SNX29: variants seen among roughly 807,000 people sequenced by gnomAD.
SNX29 encodes sorting nexin 29.
SNX29 carries 78 observed loss-of-function variants against 102.1 expected under a neutral mutation model. The ratio of observed to expected loss-of-function variants is 0.76; its 90% CI spans 0.64 to 0.92. SNX29 has a LOEUF of 0.92. Among genes scored for constraint, SNX29 ranks in the 40% least tolerant of loss-of-function variants. SNX29 has a pLI of 0.00. For synonymous variants in SNX29, 580 were observed against 414.5 expected (o/e 1.40, Z -4.85); for missense variants, 1,280 against 1,061.7 (o/e 1.21, Z -2.86).
At chr16:12,442,888 T>C (rs999944420) in intron 18 of SNX29, 19 of 406,228 alleles carry the variant, frequency 4.7e-5, no homozygotes, top group South Asian at 3.3e-4. Context: ...CCACCATACC[T>C]GGCTGTGTTC....
chr16:12,005,292 G>A (rs2056416817), intron 3 of SNX29, among the ~76,000 whole-genome samples: 1 of 152,198 alleles, frequency 6.6e-6, no homozygotes, highest in Non-Finnish European at 1.5e-5. Context: ...GCTTGCATCA[G>A]AATCACCTGG....
intron 3 of SNX29, among the ~76,000 whole-genome samples, chr16:12,004,615 A>G (rs1242419246): frequency 6.6e-6 from 1 of 152,100 alleles, no homozygotes; most frequent in Non-Finnish European, 1.5e-5. Flanking sequence ...CTCATCCTGG[A>G]AACTGTTCAT....
chr16:12,375,375 A>G (rs2082834826), intron 16 of SNX29: 1 of 152,172 alleles, frequency 6.6e-6, no homozygotes, highest in African/African-American at 2.4e-5. Flanking sequence ...TGAGAGGAAA[A>G]AGGACATTTG....
chr16:12,325,019 C>T (rs1345061600), intron 15 of SNX29, among the ~76,000 whole-genome samples: 1 of 152,164 alleles, frequency 6.6e-6, no homozygotes, highest in Non-Finnish European at 1.5e-5. Context: ...GGGTATATTA[C>T]AGCAATCTTG....
intron 14 of SNX29, among the ~76,000 whole-genome samples, chr16:12,266,288 T>A (rs188202808): frequency 1.3e-5 from 2 of 152,226 alleles, no homozygotes; most frequent in Non-Finnish European, 2.9e-5. Flanking sequence ...GCCACACGTA[T>A]GGGGGTTTCT....
intron 12 of SNX29, among the ~76,000 whole-genome samples, chr16:12,128,140 C>G (rs771771954): frequency 6.6e-6 from 1 of 152,126 alleles, no homozygotes; most frequent in Admixed American, 6.5e-5. Flanking sequence ...ATCTTTAGAC[C>G]GCACCATTTT....
In SNX29 at chr16:12,568,871, G is replaced by A; in HGVS notation, c.*242G>A. Reference sequence around the variant, plus strand: ...AGAGACTGGGACACACAGTCCTTCTGCTTCTGGGGTCTACCCTGGGCTGCA... The same window carrying A: ...AGAGACTGGGACACACAGTCCTTCTACTTCTGGGGTCTACCCTGGGCTGCA... On this transcript the variant is annotated 3_prime_UTR_variant, in exon 21 of 21. Coordinates refer to ENST00000566228, the MANE Select transcript of SNX29 (RefSeq NM_032167.5). 2 of 595,540 alleles carry A rather than the reference G, an allele frequency of 3.4e-6. No homozygotes were observed. The highest frequency in any genetic ancestry group is 2.8e-6 in the Non-Finnish European group (1 of 352,348). The allele number at this position is 595,540 out of a possible 1,614,324, so 36.9% of individuals were successfully genotyped here.
At chr16:12,536,979 TAAAAA>T (rs1342932705) in intron 20 of SNX29, among the ~76,000 whole-genome samples, 2 of 148,084 alleles carry the variant, frequency 1.4e-5, no homozygotes, top group Middle Eastern at 3.2e-3. Context: ...GAACCCGTCT[TAAAAA>T]AATAAAATAA....
chr16:11,994,036 G>A (rs898961551), intron 1 of SNX29, among the ~76,000 whole-genome samples: 4 of 152,284 alleles, frequency 2.6e-5, no homozygotes, highest in Admixed American at 1.3e-4. Flanking sequence ...CAGGATAATC[G>A]CTTGAACCCA....
intron 13 of SNX29, among the ~76,000 whole-genome samples, chr16:12,176,435 C>T (rs1488263293): frequency 6.6e-6 from 1 of 152,196 alleles, no homozygotes; most frequent in African/African-American, 2.4e-5. Context: ...TCCTCAGTAT[C>T]TGTGGGTTTT....
chr16:12,390,611 C>T (rs773784640), intron 16 of SNX29, among the ~76,000 whole-genome samples: 15 of 152,144 alleles, frequency 9.9e-5, no homozygotes, highest in Non-Finnish European at 1.9e-4. Context: ...GCAGTCAGCC[C>T]CTCATTCTGG....
rs562985682 is a variant in SNX29, at chr16:12,226,839, A to C, written c.1678+27156A>C. Among the ~76,000 whole-genome samples the C allele has an allele frequency of 6.6e-5, 10 of 152,152 alleles. No homozygotes were observed. In the South Asian group the frequency reaches 1.7e-3, roughly 25 times the overall value. On this transcript the variant is annotated intron_variant, in intron 14 of 20. Transcript: ENST00000566228. Reference sequence around the variant, plus strand: ...ATTATCTGCCCACCTTGGCCTCCCAAAGTGCTGGGATTACAGGCATGAGCC... The same window carrying C: ...ATTATCTGCCCACCTTGGCCTCCCACAGTGCTGGGATTACAGGCATGAGCC...
In SNX29 at chr16:12,280,256, G is replaced by A. The variant is rs150182106; in HGVS notation, c.1782+2220G>A. Among the ~76,000 whole-genome samples, 1,144 of 152,358 alleles carry A rather than the reference G, an allele frequency of 7.5e-3. 17 individuals are homozygous for A. Among genetic ancestry groups the A allele is most frequent in the African/African-American group, 0.026 (1,076 of 41,574 alleles). ...CTCACGGGTCGGGAACAGAGTAGAT[G>A]AGGGGAGAAAGGTGATGCTGTGGCT... On this transcript the variant is annotated intron_variant, in intron 15 of 20. Transcript: ENST00000566228.
intron 11 of SNX29, among the ~76,000 whole-genome samples, chr16:12,114,938 G>A (rs1394605300): frequency 1.3e-5 from 2 of 152,124 alleles, no homozygotes; most frequent in African/African-American, 4.8e-5. Flanking sequence ...TGAGATAATT[G>A]ACACATAGTT....
chr16:11,989,823 G>C (rs2055776872), intron 1 of SNX29, among the ~76,000 whole-genome samples: 1 of 152,236 alleles, frequency 6.6e-6, no homozygotes, highest in Non-Finnish European at 1.5e-5. Flanking sequence ...GGACAGCAGT[G>C]TGTCCCTTGG....
intron 15 of SNX29, among the ~76,000 whole-genome samples, chr16:12,280,962 C>T (rs1214765916): frequency 6.6e-6 from 1 of 152,190 alleles, no homozygotes; most frequent in Non-Finnish European, 1.5e-5. Context: ...GGCTGGAGTG[C>T]AGTGGTACAG....
Position 12,069,049 on chromosome 16 carries a change from C to G in SNX29, c.1244-8C>G. On this transcript the variant is annotated splice_polypyrimidine_tract_variant and splice_region_variant and intron_variant, in intron 9 of 20. Transcript: ENST00000566228. ...TGACCTCTTTCTGTGATTGCTCTCT[C>G]TGCACAGATGCCCCCCTCGGAAGCC... The G allele has an allele frequency of 6.2e-7, 1 of 1,613,718 alleles. No individual in the cohort carries two copies.
At chr16:12,460,788 G>A (rs949097937) in intron 18 of SNX29, among the ~76,000 whole-genome samples, 3 of 151,690 alleles carry the variant, frequency 2.0e-5, no homozygotes, top group Non-Finnish European at 2.9e-5. Context: ...CTCCTGAGTA[G>A]CTGGGACTAC....
At chr16:11,978,955 AAAG>A (rs1344553651) in intron 1 of SNX29, among the ~76,000 whole-genome samples, 8 of 151,702 alleles carry the variant, frequency 5.3e-5, no homozygotes, top group Non-Finnish European at 1.0e-4. Context: ...AAAACAAAAG[AAAG>A]AAAACTTTAA....
Sources: allele counts gnomAD v4.1 joint callset (sites outside exome capture counted in the v4.1 genomes callset), GRCh38; gene constraint gnomAD v4.1.1; transcripts MANE v1.5; gene names NCBI Gene and HGNC (gene_info 2026-07-23, HGNC 2026-07-21).